Variants in MAML2 observed in about 807,000 individuals in gnomAD.
MAML2 encodes the protein mastermind-like protein 2.
In MAML2, 22 loss-of-function variants were observed where a neutral mutation model predicts 96.1. That is an observed-to-expected ratio of 0.23 (90% CI 0.16 to 0.33). MAML2 has a LOEUF of 0.33. MAML2 is among the 10% of genes least tolerant of loss of function. The pLI is 1.00. For missense variants in MAML2, 1,367 were observed against 1,392.4 expected, an observed-to-expected ratio of 0.98 and a Z score of 0.29; for synonymous variants, 561 against 521.3, an observed-to-expected ratio of 1.08 and a Z score of -1.04.
chr11:95,985,238 G>C (rs780750341), intron 4 of MAML2, among the ~76,000 whole-genome samples: 1 of 152,104 alleles, frequency 6.6e-6, no homozygotes, highest in Non-Finnish European at 1.5e-5. Flanking sequence ...CCTGGGTTAA[G>C]GTATATCTTT....
Position 96,269,882 on chromosome 11 carries a change from G to T in MAML2, c.513+71501C>A, listed in dbSNP as rs1417693820. 1.4e-5 allele frequency among the ~76,000 whole-genome samples: 2 copies of T among 144,030 alleles called. 1 individual carries two copies. The highest frequency in any genetic ancestry group is 1.5e-4 in the Admixed American group (2 of 13,592). The allele number at this position is 144,030 out of a possible 152,430, so 94.5% of individuals were successfully genotyped here. ...CTTACCACTCCTTCTAGTACCCTCT[G>T]GGAGTTTCTATCCCCTTGACCTCTA... On this transcript the variant is annotated intron_variant, in intron 1 of 4. Transcript: ENST00000524717.
At chr11:96,068,831 A>G (rs1859291057) in intron 2 of MAML2, among the ~76,000 whole-genome samples, 1 of 146,406 alleles carries the variant, frequency 6.8e-6, no homozygotes, top group Non-Finnish European at 1.5e-5. Context: ...CTCCTTCTCA[A>G]AAAAAAAAAA....
chr11:96,039,396 C>T (rs1858770043), intron 2 of MAML2, among the ~76,000 whole-genome samples: 1 of 118,242 alleles, frequency 8.5e-6, no homozygotes, highest in Admixed American at 9.0e-5. Context: ...GGAGAGGAGA[C>T]AGGAGAGGGG....
intron 1 of MAML2, among the ~76,000 whole-genome samples, chr11:96,136,744 C>G (rs1211730894): frequency 1.3e-5 from 2 of 152,200 alleles, no homozygotes; most frequent in African/African-American, 2.4e-5. Context: ...TGCATGAAAG[C>G]CCACTTTTTG....
At chr11:96,074,906 A>G (rs1196454543) in intron 2 of MAML2, among the ~76,000 whole-genome samples, 1 of 152,164 alleles carries the variant, frequency 6.6e-6, no homozygotes, top group Non-Finnish European at 1.5e-5. Context: ...GGAGTACTGG[A>G]GGGCAGGGAG....
chr11:96,200,233 T>C (rs1481786613), intron 1 of MAML2, among the ~76,000 whole-genome samples: 1 of 152,226 alleles, frequency 6.6e-6, no homozygotes, highest in Non-Finnish European at 1.5e-5. Flanking sequence ...TCTCTGTATA[T>C]ACTCATTAAC....
At chr11:96,156,937 G>A (rs1861019598) in intron 1 of MAML2, among the ~76,000 whole-genome samples, 1 of 152,132 alleles carries the variant, frequency 6.6e-6, no homozygotes. Flanking sequence ...CACTTGCAGG[G>A]GTGGTGGACT....
chr11:96,220,057 C>T (rs557453788), intron 1 of MAML2, among the ~76,000 whole-genome samples: 5 of 152,142 alleles, frequency 3.3e-5, no homozygotes, highest in Non-Finnish European at 7.4e-5. Flanking sequence ...GTTATCATTG[C>T]CATGATCTTT....
intron 1 of MAML2, among the ~76,000 whole-genome samples, chr11:96,297,836 A>G (rs1355347022): frequency 6.6e-6 from 1 of 152,200 alleles, no homozygotes; most frequent in East Asian, 1.9e-4. Context: ...CTTAGTATGC[A>G]TCTCTAAAAA....
intron 1 of MAML2, among the ~76,000 whole-genome samples, chr11:96,202,816 C>A (rs1031552419): frequency 6.6e-6 from 1 of 151,914 alleles, no homozygotes; most frequent in Non-Finnish European, 1.5e-5. Context: ...TTGGTAGAGA[C>A]AGGGTTTCAC....
At chr11:96,219,080 G>A (rs1370841214) in intron 1 of MAML2, among the ~76,000 whole-genome samples, 2 of 152,158 alleles carry the variant, frequency 1.3e-5, no homozygotes, top group Admixed American at 6.5e-5. Flanking sequence ...GGGGCCATCC[G>A]GCTCCGGGTC....
chr11:96,143,683 C>T (rs747401372), intron 1 of MAML2, among the ~76,000 whole-genome samples: 3 of 152,156 alleles, frequency 2.0e-5, no homozygotes, highest in Non-Finnish European at 4.4e-5. Context: ...TAATTCCTTG[C>T]ACATATTTTG....
At position 96,269,895 on chromosome 11, in the gene MAML2, C is replaced by T. The variant is rs151310522; in HGVS notation, c.513+71488G>A. Among the ~76,000 whole-genome samples the T allele has an allele frequency of 9.4e-3, 1,351 of 143,988 alleles. 236 individuals are homozygous for T. Among genetic ancestry groups the T allele is most frequent in the African/African-American group, 0.034 (1,277 of 37,408 alleles). 94.5% of individuals were successfully genotyped at this position (143,988 alleles called of 152,430 possible). On this transcript the variant is annotated intron_variant, in intron 1 of 4. Coordinates refer to ENST00000524717, the MANE Select transcript of MAML2 (RefSeq NM_032427.4). ...CTAGTACCCTCTGGGAGTTTCTATC[C>T]CCTTGACCTCTAAACGTTGGGAGCC...
intron 1 of MAML2, among the ~76,000 whole-genome samples, chr11:96,340,656 G>A (rs565011141): frequency 2.0e-5 from 3 of 152,262 alleles, no homozygotes; most frequent in Non-Finnish European, 2.9e-5. Flanking sequence ...TAGCTGCTTC[G>A]TGCCTGTCTG....
intron 2 of MAML2, among the ~76,000 whole-genome samples, chr11:96,051,721 T>C (rs1858993381): frequency 6.6e-6 from 1 of 152,178 alleles, no homozygotes; most frequent in Admixed American, 6.5e-5. Flanking sequence ...TTAAAATTAA[T>C]TTGCGTTAAC....
At chr11:96,074,189 A>G (rs1318726891) in intron 2 of MAML2, among the ~76,000 whole-genome samples, 1 of 152,222 alleles carries the variant, frequency 6.6e-6, no homozygotes, top group African/African-American at 2.4e-5. Flanking sequence ...TATCCATTTC[A>G]TTGTATTTTT....
chr11:96,131,026 C>T (rs929142018), intron 1 of MAML2, among the ~76,000 whole-genome samples: 1 of 151,962 alleles, frequency 6.6e-6, no homozygotes, highest in South Asian at 2.1e-4. Flanking sequence ...CAGAGCTATA[C>T]AAAATCTGTA....
chr11:96,289,509 A>T (rs867840152), intron 1 of MAML2, among the ~76,000 whole-genome samples: 1 of 152,204 alleles, frequency 6.6e-6, no homozygotes, highest in Non-Finnish European at 1.5e-5. Context: ...TTTTTAATGC[A>T]TCTATAAATG....
intron 1 of MAML2, among the ~76,000 whole-genome samples, chr11:96,201,014 TG>T (rs1323472041): frequency 6.6e-6 from 1 of 151,984 alleles, no homozygotes. Flanking sequence ...ATTTAACTCT[TG>T]GGGGAAAAAA....
Sources: allele counts gnomAD v4.1 joint callset (sites outside exome capture counted in the v4.1 genomes callset), GRCh38; gene constraint gnomAD v4.1.1; transcripts MANE v1.5; gene names NCBI Gene and HGNC (gene_info 2026-07-23, HGNC 2026-07-21).